The following OR7E24 variants were observed in gnomAD, a reference collection of about 807,000 sequenced individuals.
OR7E24 encodes olfactory receptor 7E24.
For missense variants in OR7E24, 385 were observed against 410.3 expected (o/e 0.94, Z 0.53); for synonymous variants, 130 against 157.5 (o/e 0.83, Z 1.31).
the OR7E24 span, among the ~76,000 whole-genome samples, chr19:9,223,592 C>G: frequency 6.6e-6 from 1 of 151,610 alleles, no homozygotes; most frequent in African/African-American, 2.4e-5. Flanking sequence ...CTTGCAGTTC[C>G]ACCCTTTGCA....
At chr19:9,240,206 C>T in the OR7E24 span, among the ~76,000 whole-genome samples, 2 of 152,232 alleles carry the variant, frequency 1.3e-5, no homozygotes, top group Admixed American at 1.3e-4. Flanking sequence ...TCTCCCATTC[C>T]ATAGGATGTC....
At chr19:9,223,345 A>G in the OR7E24 span, among the ~76,000 whole-genome samples, 1 of 152,238 alleles carries the variant, frequency 6.6e-6, no homozygotes, top group East Asian at 1.9e-4. Context: ...TCAGGCCATC[A>G]TACCATCAGG....
the OR7E24 span, chr19:9,206,948 G>A: frequency 2.6e-5 from 4 of 152,150 alleles, no homozygotes; most frequent in Non-Finnish European, 4.4e-5. Context: ...TTGAACCTGT[G>A]TGGGTCTGAG....
the OR7E24 span, among the ~76,000 whole-genome samples, chr19:9,220,122 T>C: frequency 6.6e-6 from 1 of 152,182 alleles, no homozygotes; most frequent in Non-Finnish European, 1.5e-5. Flanking sequence ...GAAATATATA[T>C]ACATTGTGGA....
the OR7E24 span, chr19:9,207,887 A>G: frequency 6.6e-6 from 1 of 152,110 alleles, no homozygotes; most frequent in Admixed American, 6.5e-5. Context: ...TGCCTGCCTC[A>G]GTGTTTAGAG....
chr19:9,231,815 TAAAC>T, the OR7E24 span, among the ~76,000 whole-genome samples: 1 of 152,198 alleles, frequency 6.6e-6, no homozygotes, highest in African/African-American at 2.4e-5. Context: ...TCTTTTAAAA[TAAAC>T]AGAAACGTAT....
chr19:9,215,354 A>C, the OR7E24 span, among the ~76,000 whole-genome samples: 6 of 151,918 alleles, frequency 3.9e-5, 1 homozygote, highest in South Asian at 4.1e-4. Context: ...AAAAAAAAAA[A>C]AAAAAAAAAA....
At chr19:9,238,689 C>T in the OR7E24 span, among the ~76,000 whole-genome samples, 4 of 152,208 alleles carry the variant, frequency 2.6e-5, no homozygotes, top group African/African-American at 9.7e-5. Context: ...AATCCCCTCA[C>T]TTCACAGCCT....
the OR7E24 span, chr19:9,214,796 G>A: frequency 6.2e-7 from 1 of 1,611,882 alleles, no homozygotes; most frequent in Admixed American, 1.7e-5. Flanking sequence ...AGAGTCCCAG[G>A]AGGAGAAATT....
upstream of OR7E24, among the ~76,000 whole-genome samples, chr19:9,247,710 A>G (rs1003748601): frequency 2.0e-5 from 3 of 152,042 alleles, no homozygotes; most frequent in African/African-American, 7.3e-5. Context: ...TTGCTGCACT[A>G]TTTTACATTT....
chr19:9,223,186 G>C, the OR7E24 span, among the ~76,000 whole-genome samples: 1 of 152,088 alleles, frequency 6.6e-6, no homozygotes, highest in African/African-American at 2.4e-5. Context: ...TGGTCAACCT[G>C]CTCCCCTGGC....
chr19:9,227,880 A>G, the OR7E24 span, among the ~76,000 whole-genome samples: 1 of 148,618 alleles, frequency 6.7e-6, no homozygotes, highest in Admixed American at 6.7e-5. Flanking sequence ...CAGCCTCCCA[A>G]GTAGCTGGGA....
the OR7E24 span, among the ~76,000 whole-genome samples, chr19:9,226,916 C>G: frequency 1.6e-3 from 241 of 152,208 alleles, 1 homozygote; most frequent in African/African-American, 5.6e-3. Flanking sequence ...ATCTTAAGCT[C>G]AGGGGTACAA....
At chr19:9,236,230 T>C in the OR7E24 span, 1 of 588,776 alleles carries the variant, frequency 1.7e-6, no homozygotes, top group Non-Finnish European at 3.0e-6. Context: ...TGTTTTTGTA[T>C]GGCCGGGCAC....
chr19:9,251,447 T>C lies in OR7E24; in HGVS notation c.404T>C (p.Val135Ala). The C allele has an allele frequency of 6.2e-7, 1 of 1,614,222 alleles. No individual in the cohort carries two copies. Among genetic ancestry groups the C allele is most frequent in the South Asian group, 1.1e-5 (1 of 91,082 alleles). Reference sequence around the variant, plus strand: ...TGTATGGATGACATGCTCCTGAGTGTGATGGCCTATGACCGGTTTGTGGCC... The same window carrying C: ...TGTATGGATGACATGCTCCTGAGTGCGATGGCCTATGACCGGTTTGTGGCC... The part of the protein sequence containing the change: ...FACMDDMLLS[V>A]MAYDRFVAIC... Residue 135 changes from valine to alanine, a missense_variant, in exon 1 of 1, where the codon GTG becomes GCG. By Grantham distance (64) the Val-to-Ala change is moderately conservative. Coordinates refer to ENST00000456448, the MANE Select transcript of OR7E24 (RefSeq NM_001079935.2).
chr19:9,247,396 G>GTC (rs2066133422), upstream of OR7E24: 1 of 398,398 alleles, frequency 2.5e-6, no homozygotes, highest in African/African-American at 2.1e-5. Context: ...GGAGGCTCAT[G>GTC]TCTGACCCTG....
the OR7E24 span, chr19:9,213,702 C>T: frequency 1.8e-6 from 1 of 564,534 alleles, no homozygotes. Context: ...TGCACCACTG[C>T]ACTCTAGCCT....
rs201058180 is a variant in OR7E24 at position 9,251,444 on chromosome 19, G to T, written c.401G>T (p.Ser134Ile). Reference sequence around the variant, plus strand: ...GCATGTATGGATGACATGCTCCTGAGTGTGATGGCCTATGACCGGTTTGTG... The same window carrying T: ...GCATGTATGGATGACATGCTCCTGATTGTGATGGCCTATGACCGGTTTGTG... ...LFACMDDMLL[S>I]VMAYDRFVAI... Residue 134 changes from serine to isoleucine, a missense_variant, in exon 1 of 1, where the codon AGT (serine) becomes ATT (isoleucine). Coordinates refer to ENST00000456448, the MANE Select transcript of OR7E24 (RefSeq NM_001079935.2). 6.2e-7 allele frequency: 1 copy of T among 1,614,142 alleles called. No individual in the cohort carries two copies. Among genetic ancestry groups the T allele is most frequent in the African/African-American group, 1.3e-5 (1 of 75,042 alleles).
the OR7E24 span, among the ~76,000 whole-genome samples, chr19:9,230,838 G>A: frequency 6.6e-6 from 1 of 152,094 alleles, no homozygotes; most frequent in Non-Finnish European, 1.5e-5. Context: ...ATGTTCAGGA[G>A]ACTCTCAGAC....
Sources: gnomAD v4.1 joint callset for allele counts (sites outside exome capture counted in the v4.1 genomes callset) on GRCh38, gnomAD v4.1.1 for gene constraint, MANE v1.5 for transcripts, NCBI Gene and HGNC (gene_info 2026-07-23, HGNC 2026-07-21) for gene names.